The following ALK variants were observed in gnomAD, a reference collection of about 807,000 sequenced individuals.
ALK encodes the protein ALK tyrosine kinase receptor.
Under a neutral mutation model 163.1 loss-of-function variants are expected in ALK, and 74 were observed. The observed-to-expected ratio is 0.45, with a 90% CI of 0.38 to 0.55. The LOEUF (loss-of-function observed/expected upper bound fraction) is 0.55. Ranked by LOEUF, ALK falls within the 20% of genes least tolerant of loss-of-function variation. The probability of loss-of-function intolerance (pLI) is 0.00; values close to 1 mark genes in which losing one functional copy is unlikely to be tolerated. For synonymous variants in ALK, 960 were observed against 843.2 expected (o/e 1.14, Z -2.40); for missense variants, 2,063 against 2,105.3 (o/e 0.98, Z 0.39).
chr2:29,258,494 A>G (rs1406865719), intron 11 of ALK, among the ~76,000 whole-genome samples: 1 of 152,268 alleles, frequency 6.6e-6, no homozygotes, highest in Non-Finnish European at 1.5e-5. Flanking sequence ...ACTGAGTAAT[A>G]TGGTTCATGT....
intron 1 of ALK, among the ~76,000 whole-genome samples, chr2:29,917,129 A>G (rs1667856055): frequency 6.6e-6 from 1 of 152,140 alleles, no homozygotes; most frequent in Non-Finnish European, 1.5e-5. Flanking sequence ...TTTCATTTTT[A>G]CTATTTTAGT....
Position 29,754,251 on chromosome 2 carries a change from A to G in ALK, c.668-36554T>C, listed in dbSNP as rs529731853. Among the ~76,000 whole-genome samples, 59 of 152,324 alleles carry G rather than the reference A, an allele frequency of 3.9e-4. 2 individuals carry two copies. The highest frequency in any genetic ancestry group is 1.1e-3 in the African/African-American group (46 of 41,572). The stretch of plus-strand genomic sequence containing the variant: ...AAAGCCACGTCCTCAAATCCAGGCT[A>G]TCCAAGGGTGGCCACAGCAAGTTCA... On this transcript the variant is annotated intron_variant, in intron 1 of 28. Coordinates refer to ENST00000389048, the MANE Select transcript of ALK (RefSeq NM_004304.5).
intron 4 of ALK, among the ~76,000 whole-genome samples, chr2:29,417,712 C>T (rs1172146160): frequency 1.3e-5 from 2 of 152,220 alleles, no homozygotes; most frequent in South Asian, 4.1e-4. Context: ...AAATAAAAAA[C>T]CCAGATATTA....
At chr2:29,890,733 T>C (rs536773225) in intron 1 of ALK, 1 of 152,338 alleles carries the variant, frequency 6.6e-6, no homozygotes, top group South Asian at 2.1e-4. Context: ...CTTAATCAGC[T>C]GTGTCCCCCC....
chr2:29,833,889 T>C (rs1028503345), intron 1 of ALK, among the ~76,000 whole-genome samples: 2 of 152,188 alleles, frequency 1.3e-5, no homozygotes, highest in Admixed American at 1.3e-4. Context: ...GAAGCTTAAT[T>C]ACATGATTAC....
chr2:29,785,931 A>T, intron 1 of ALK, among the ~76,000 whole-genome samples: 1 of 97,830 alleles, frequency 1.0e-5, no homozygotes, highest in East Asian at 4.9e-4. Flanking sequence ...ACACACACAC[A>T]CACACACACA....
intron 1 of ALK, among the ~76,000 whole-genome samples, chr2:29,849,566 G>A (rs953676300): frequency 1.3e-5 from 2 of 152,170 alleles, no homozygotes; most frequent in African/African-American, 4.8e-5. Context: ...TAGATTAACA[G>A]GAAACACAGA....
chr2:29,473,559 C>T (rs1438421095), intron 4 of ALK, among the ~76,000 whole-genome samples: 1 of 151,824 alleles, frequency 6.6e-6, no homozygotes, highest in Non-Finnish European at 1.5e-5. Context: ...ACAAACAATA[C>T]AACAAAAAAG....
intron 1 of ALK, among the ~76,000 whole-genome samples, chr2:29,842,701 C>T (rs765897452): frequency 7.9e-5 from 12 of 152,202 alleles, no homozygotes; most frequent in Non-Finnish European, 1.8e-4. Context: ...AAGGACTGAG[C>T]AGGCAGGGCT....
At chr2:29,537,619 A>G (rs952311928) in intron 3 of ALK, among the ~76,000 whole-genome samples, 15 of 152,238 alleles carry the variant, frequency 9.9e-5, no homozygotes, top group Admixed American at 9.8e-4. Flanking sequence ...GAGCCTCTAC[A>G]CAGAGTCCCC....
At chr2:29,653,477 G>A (rs7577363) in intron 3 of ALK, among the ~76,000 whole-genome samples, 11,432 of 152,004 alleles carry the variant, frequency 0.075, 784 homozygotes, top group African/African-American at 0.18. Context: ...ATCGTCTTCC[G>A]TTGAAATCAT....
At position 29,707,022 on chromosome 2, in the gene ALK, T is replaced by G. The variant is rs1012988067; in HGVS notation, c.787+10556A>C. On this transcript the variant is annotated intron_variant, in intron 2 of 28. Coordinates refer to ENST00000389048, the MANE Select transcript of ALK (RefSeq NM_004304.5). ...GTGTGTGTGTGTGTGTGTGTGTGTG[T>G]GTGTGTGTTGGGTAAGGAAGTCTCT... Among the ~76,000 whole-genome samples, 11 of 147,642 alleles carry G rather than the reference T, an allele frequency of 7.5e-5. No homozygotes were observed. In the South Asian group the frequency reaches 2.3e-3, roughly 31 times the overall value.
chr2:29,569,262 A>G (rs949807247), intron 3 of ALK, among the ~76,000 whole-genome samples: 1 of 150,708 alleles, frequency 6.6e-6, no homozygotes, highest in African/African-American at 2.4e-5. Context: ...GAAATCAAAT[A>G]GCCTGACTTT....
At chr2:29,345,481 G>C (rs1667922895) in intron 5 of ALK, among the ~76,000 whole-genome samples, 1 of 151,642 alleles carries the variant, frequency 6.6e-6, no homozygotes, top group South Asian at 2.1e-4. Context: ...TCCTAGCAAG[G>C]ATGTAGTGAG....
At chr2:29,699,051 A>G (rs1678652846) in intron 2 of ALK, among the ~76,000 whole-genome samples, 1 of 152,194 alleles carries the variant, frequency 6.6e-6, no homozygotes, top group Non-Finnish European at 1.5e-5. Context: ...GAGGTTCTAG[A>G]CCTAGTGTGC....
At chr2:29,458,804 G>A (rs1420304574) in intron 4 of ALK, among the ~76,000 whole-genome samples, 2 of 152,138 alleles carry the variant, frequency 1.3e-5, no homozygotes, top group African/African-American at 2.4e-5. Context: ...CTTACACTGT[G>A]GAGGGGCTGT....
chr2:29,920,342 C>G lies in ALK; in HGVS notation c.318G>C (p.Pro106=), dbSNP rs1298853396. 1 of 1,551,222 alleles carries G rather than the reference C, an allele frequency of 6.4e-7. No individual in the cohort carries two copies. Among genetic ancestry groups the G allele is most frequent in the Middle Eastern group, 1.7e-4 (1 of 5,854 alleles). ...GTGAACCGGCGGTCCAGGAGACCCC[C>G]GGCGCCGGCCCCAGCAACCTGAGCA... ...APLLRLLGPA[P]GVSWTAGSPA... is the part of the protein sequence containing the mutation. The change falls in exon 1 of 29, where the codon CCG becomes CCC. Residue 106 remains proline (P), a synonymous_variant. Coordinates refer to ENST00000389048, the MANE Select transcript of ALK (RefSeq NM_004304.5).
chr2:29,406,561 T>C (rs1669589198), intron 4 of ALK, among the ~76,000 whole-genome samples: 1 of 152,190 alleles, frequency 6.6e-6, no homozygotes, highest in African/African-American at 2.4e-5. Flanking sequence ...TTGCAGAGCC[T>C]GCATGGAGCT....
At chr2:29,245,974 A>G (rs184737290) in intron 12 of ALK, among the ~76,000 whole-genome samples, 5 of 152,350 alleles carry the variant, frequency 3.3e-5, no homozygotes. Context: ...GACAGAGACC[A>G]TCAGGAACAG....
Sources: gnomAD v4.1 joint callset for allele counts (sites outside exome capture counted in the v4.1 genomes callset) on GRCh38, gnomAD v4.1.1 for gene constraint, MANE v1.5 for transcripts, NCBI Gene and HGNC (gene_info 2026-07-23, HGNC 2026-07-21) for gene names.